IFITM10: variants seen among roughly 807,000 people sequenced by gnomAD.
IFITM10 encodes the protein interferon induced transmembrane protein 10.
A neutral mutation model predicts 19.0 loss-of-function variants in IFITM10; 17 were observed. The observed-to-expected ratio is 0.90, with a 90% confidence interval of 0.61 to 1.34. The LOEUF is 1.34. IFITM10 is among the 40% of genes most tolerant of loss of function. The pLI is 0.00. For synonymous variants in IFITM10, 148 were observed against 147.2 expected, an observed-to-expected ratio of 1.01 and a Z score of -0.04; for missense variants, 306 against 319.8, an observed-to-expected ratio of 0.96 and a Z score of 0.33.
At chr11:1,746,685 C>T (rs1845654350) in intron 2 of IFITM10, 2 of 398,696 alleles carry the variant, frequency 5.0e-6, no homozygotes, top group South Asian at 1.3e-4. Flanking sequence ...GGCGTCCTTC[C>T]TCCCAGCCAG....
At chr11:1,741,153 G>A (rs561066872) in intron 2 of IFITM10, among the ~76,000 whole-genome samples, 5 of 151,898 alleles carry the variant, frequency 3.3e-5, no homozygotes, top group East Asian at 1.9e-4. Flanking sequence ...GTGCAAGAAC[G>A]GCCTAATACT....
intron 2 of IFITM10, chr11:1,746,000 G>C (rs1845641241): frequency 1.4e-5 from 2 of 140,806 alleles, no homozygotes; most frequent in Admixed American, 1.4e-4. Context: ...GCACACTCAG[G>C]TACATACAGA....
intron 1 of IFITM10, chr11:1,749,051 G>A (rs1845687278): frequency 8.9e-7 from 1 of 1,129,052 alleles, no homozygotes. Flanking sequence ...CGGACCCCCT[G>A]AGCCTCGGTG....
intron 2 of IFITM10, among the ~76,000 whole-genome samples, chr11:1,740,177 G>C (rs1456893661): frequency 1.3e-5 from 2 of 151,754 alleles, no homozygotes; most frequent in Non-Finnish European, 2.9e-5. Flanking sequence ...GTGTGTACCT[G>C]TAATCCCAGC....
intron 1 of IFITM10, chr11:1,749,133 G>A: frequency 1.0e-6 from 1 of 1,004,176 alleles, no homozygotes; most frequent in Non-Finnish European, 1.2e-6. Context: ...CAACCTTGAG[G>A]GGGTGGGGAG....
Position 1,748,033 on chromosome 11 carries a change from G to A in IFITM10, c.171C>T (p.Asp57=), listed in dbSNP as rs1590899958. 2.1e-6 allele frequency: 3 copies of A among 1,427,200 alleles called. No individual in the cohort carries two copies. The highest frequency in any genetic ancestry group is 2.7e-6 in the Non-Finnish European group (3 of 1,095,368). 88.4% of individuals were successfully genotyped at this position (1,427,200 alleles called of 1,614,324 possible). A position where few individuals can be genotyped will look rare whatever the true frequency, so the allele number is the denominator to read the frequency against. ...GGGGCCTCGGAATCCAGAAGGCCCC[G>A]TCCAGGGGGACTCGGGCTTCCTGGG... The part of the protein sequence containing the change: ...DGAQEARVPL[D]GAFWIPRPPA... Residue 57 remains aspartate, a synonymous_variant, in exon 2 of 3, where the codon GAC becomes GAT. Transcript: ENST00000340134.
chr11:1,736,964 T>C (rs188644113), intron 2 of IFITM10, among the ~76,000 whole-genome samples: 26 of 152,078 alleles, frequency 1.7e-4, no homozygotes, highest in South Asian at 1.2e-3. Context: ...AATGGAGAGA[T>C]TGAAGATGGG....
chr11:1,736,745 G>A (rs574142291), intron 2 of IFITM10, among the ~76,000 whole-genome samples: 1 of 149,318 alleles, frequency 6.7e-6, no homozygotes, highest in East Asian at 1.9e-4. Flanking sequence ...GGAGTGGAGT[G>A]GATGGAATGG....
chr11:1,748,015 C>A lies in IFITM10; in HGVS notation c.189G>T (p.Pro63=). The part of the protein sequence containing the change: ...RVPLDGAFWI[P]RPPAGSPKGC... ...CCTTGGGCGAACCTGCCGGGGGCCTCGGAATCCAGAAGGCCCCGTCCAGGG... is the reference window on the plus strand; with the variant it reads ...CCTTGGGCGAACCTGCCGGGGGCCTAGGAATCCAGAAGGCCCCGTCCAGGG... Residue 63 remains proline, a synonymous_variant, in exon 2 of 3, where the codon CCG becomes CCT. Transcript: ENST00000340134. 1 of 1,435,240 alleles carries A rather than the reference C, an allele frequency of 7.0e-7. No individual in the cohort carries two copies. The highest frequency in any genetic ancestry group is 9.1e-7 in the Non-Finnish European group (1 of 1,097,368). 88.9% of individuals were successfully genotyped at this position (1,435,240 alleles called of 1,614,324 possible).
At chr11:1,736,567 G>A (rs1162899363) in intron 2 of IFITM10, among the ~76,000 whole-genome samples, 1 of 152,066 alleles carries the variant, frequency 6.6e-6, no homozygotes, top group Non-Finnish European at 1.5e-5. Flanking sequence ...ATGCAGTGAA[G>A]TGAAATAGAG....
Position 1,733,195 on chromosome 11 carries a change from A to T in IFITM10, c.*2085T>A, listed in dbSNP as rs924581340. On this transcript the variant is annotated 3_prime_UTR_variant, in exon 3 of 3. Transcript: ENST00000340134. This position sits in a 1 kb window ranked among gnomAD's most constrained non-coding sequence, Gnocchi z 6.3. ...GGCAAGGCTTTCAGCCGCCCCTGGCACTTCTCCCACCATCCTCCAAGAGGC... is the reference window on the plus strand; with the variant it reads ...GGCAAGGCTTTCAGCCGCCCCTGGCTCTTCTCCCACCATCCTCCAAGAGGC... The T allele has an allele frequency of 1.3e-5, 2 of 152,470 alleles. No individual in the cohort carries two copies. Among genetic ancestry groups the T allele is most frequent in the Non-Finnish European group, 2.9e-5 (2 of 68,268 alleles). 9.4% of individuals were successfully genotyped at this position (152,470 alleles called of 1,614,324 possible).
At chr11:1,748,431 G>GT (rs1313641682) in intron 1 of IFITM10, 1 of 350,884 alleles carries the variant, frequency 2.8e-6, no homozygotes, top group African/African-American at 2.1e-5. Context: ...GACTGACACT[G>GT]TTGCAAAACA....
chr11:1,738,800 C>T (rs1031683058), intron 2 of IFITM10, among the ~76,000 whole-genome samples: 1 of 152,012 alleles, frequency 6.6e-6, no homozygotes, highest in African/African-American at 2.4e-5. Flanking sequence ...GTGGCTCACG[C>T]CTGTAATCCC....
At chr11:1,739,380 A>G (rs1186299103) in intron 2 of IFITM10, among the ~76,000 whole-genome samples, 1 of 152,200 alleles carries the variant, frequency 6.6e-6, no homozygotes, top group African/African-American at 2.4e-5. Flanking sequence ...GTAGATGGGT[A>G]GACAGATTCC....
In IFITM10 at chr11:1,735,338, GC is replaced by G. The variant is rs1565010282; in HGVS notation, c.628del (p.Ala210GlnfsTer47). On this transcript the variant is annotated frameshift_variant, in exon 3 of 3. Transcript: ENST00000340134. LOFTEE classifies it high-confidence loss of function. ...GAAGACGAGGATGATGCAGGAGGCT[GC>G]CAGGGCAGAACTGGTGATGTTGAAC... is the stretch of plus-strand genomic sequence containing the variant. Reference protein sequence around the residue: ...RLFNITSSALAASCIILVFIF... With the variant: ...RLFNITSSALXASCIILVFIF... 5 of 1,551,618 alleles carry G rather than the reference GC, an allele frequency of 3.2e-6. No homozygotes were observed. In the South Asian group the frequency reaches 4.8e-5, roughly 15 times the overall value.
intron 2 of IFITM10, among the ~76,000 whole-genome samples, chr11:1,737,864 A>G (rs999138559): frequency 1.3e-5 from 2 of 152,170 alleles, no homozygotes; most frequent in East Asian, 3.8e-4. Context: ...ATTCCTAAAA[A>G]AACTTTTGGT....
At position 1,734,838 on chromosome 11, in the gene IFITM10, C is replaced by G. The variant is rs575898767; in HGVS notation, c.*442G>C. Reference sequence around the variant, plus strand: ...GTATTTCATTGAAAGTTCACAGACACAAGGGCTCTGAGCGGGGTCACATCG... The same window carrying G: ...GTATTTCATTGAAAGTTCACAGACAGAAGGGCTCTGAGCGGGGTCACATCG... On this transcript the variant is annotated 3_prime_UTR_variant, in exon 3 of 3. Transcript: ENST00000340134. 6.0e-6 allele frequency: 1 copy of G among 165,750 alleles called. No homozygotes were observed. The highest frequency in any genetic ancestry group is 1.9e-4 in the South Asian group (1 of 5,382). The allele number at this position is 165,750 out of a possible 1,614,324, so 10.3% of individuals were successfully genotyped here.
chr11:1,743,784 TG>T lies in IFITM10; in HGVS notation c.537+3882del, dbSNP rs370487050. ...AGCTCTCCCACCTGGACCACCACAC[TG>T]GGACTTGAACCTTCTGCCTCGAGGC... On this transcript the variant is annotated intron_variant, in intron 2 of 2. Transcript: ENST00000340134. Among the ~76,000 whole-genome samples the T allele has an allele frequency of 3.7e-4, 56 of 151,986 alleles. 1 individual carries two copies. The South Asian group carries it at 8.7e-3, about 24-fold the overall frequency.
chr11:1,742,134 C>A lies in IFITM10; in HGVS notation c.537+5533G>T, dbSNP rs72850951. ...AGGTGAATGGGATACCTGAATAAAG[C>A]CAAGGAAGGAAAGATGGGATGGATG... On this transcript the variant is annotated intron_variant, in intron 2 of 2. Coordinates refer to ENST00000340134, the MANE Select transcript of IFITM10 (RefSeq NM_001170820.4). Among the ~76,000 whole-genome samples the A allele has an allele frequency of 7.6e-3, 1,151 of 152,116 alleles. 7 individuals carry two copies. Among genetic ancestry groups the A allele is most frequent in the Middle Eastern group, 0.014 (4 of 294 alleles).
Sources: gnomAD v4.1 joint callset for allele counts (sites outside exome capture counted in the v4.1 genomes callset) on GRCh38, gnomAD v4.1.1 for gene constraint, Gnocchi (gnomAD v3.1) non-coding constraint, MANE v1.5 for transcripts, NCBI Gene and HGNC (gene_info 2026-07-23, HGNC 2026-07-21) for gene names.